The following TMC1 variants were observed in gnomAD, a reference collection of about 807,000 sequenced individuals.
TMC1 encodes transmembrane channel-like protein 1.
TMC1 carries 84 observed loss-of-function variants against 105.8 expected under a neutral mutation model. The observed-to-expected ratio is 0.79, with a 90% confidence interval of 0.67 to 0.95. TMC1 has a LOEUF of 0.95. Ranked by LOEUF, TMC1 falls within the 40% of genes least tolerant of loss-of-function variation. The pLI is 0.00. For synonymous variants in TMC1, 315 were observed against 311.5 expected (o/e 1.01, Z -0.12); for missense variants, 817 against 914.1 (o/e 0.89, Z 1.37).
intron 10 of TMC1, among the ~76,000 whole-genome samples, chr9:72,745,247 T>G (rs1271436306): frequency 6.6e-6 from 1 of 152,312 alleles, no homozygotes; most frequent in African/African-American, 2.4e-5. Context: ...ACATTAACCT[T>G]CCTATTTTAT....
In TMC1 at chr9:72,774,119, G is replaced by A. The variant is rs148803826; in HGVS notation, c.884+1564G>A. On this transcript the variant is annotated intron_variant, in intron 13 of 23. Coordinates refer to ENST00000297784, the MANE Select transcript of TMC1 (RefSeq NM_138691.3). ...AAAAGCCAGCATGGTAGGAGTTGAG[G>A]CCACATTATAGATCCCCAAAACAAG... Among the ~76,000 whole-genome samples the A allele has an allele frequency of 3.9e-5, 6 of 152,204 alleles. No individual in the cohort carries two copies. In the East Asian group the frequency reaches 1.2e-3, roughly 29 times the overall value.
At chr9:72,685,137 T>G (rs866401515) in intron 5 of TMC1, among the ~76,000 whole-genome samples, 1 of 143,544 alleles carries the variant, frequency 7.0e-6, no homozygotes, top group African/African-American at 2.7e-5. Flanking sequence ...GACGGAGTCT[T>G]GCTCTTTCGC....
chr9:72,765,339 G>T (rs1019481025), intron 12 of TMC1, among the ~76,000 whole-genome samples: 9 of 152,162 alleles, frequency 5.9e-5, no homozygotes, highest in Admixed American at 5.2e-4. Flanking sequence ...GAAGCTCCGT[G>T]CCTCTGAAGG....
At chr9:72,814,141 C>T (rs1828745889) in intron 18 of TMC1, among the ~76,000 whole-genome samples, 1 of 152,166 alleles carries the variant, frequency 6.6e-6, no homozygotes, top group Admixed American at 6.5e-5. Flanking sequence ...TGGTGGGCCA[C>T]CTCATGATAC....
intron 17 of TMC1, among the ~76,000 whole-genome samples, chr9:72,798,539 A>C (rs1828413146): frequency 6.6e-6 from 1 of 152,146 alleles, no homozygotes; most frequent in South Asian, 2.1e-4. Flanking sequence ...GAATGAGATC[A>C]TGTCTGTTGC....
At chr9:72,648,497 T>G in intron 4 of TMC1, 100 bp from the exon 5 acceptor site, 1 of 728,886 alleles carries the variant, frequency 1.4e-6, no homozygotes, top group Admixed American at 2.1e-5. Flanking sequence ...TTCTTAAGTT[T>G]CAGATGGTGA....
intron 18 of TMC1, among the ~76,000 whole-genome samples, chr9:72,810,346 G>C (rs17560985): frequency 2.1e-4 from 32 of 152,122 alleles, no homozygotes; most frequent in Non-Finnish European, 3.8e-4. Context: ...CCTTTCTACT[G>C]TATGCATGCA....
chr9:72,723,130 G>A (rs1827057799), intron 8 of TMC1, among the ~76,000 whole-genome samples: 6 of 152,072 alleles, frequency 3.9e-5, no homozygotes, highest in African/African-American at 1.4e-4. Context: ...TCCAGACAAA[G>A]GCCAAAAGTG....
At chr9:72,619,255 C>T (rs372759310) in intron 3 of TMC1, among the ~76,000 whole-genome samples, 5 of 152,102 alleles carry the variant, frequency 3.3e-5, no homozygotes, top group East Asian at 3.8e-4. Flanking sequence ...TTAATCATAT[C>T]GTAGATACTC....
intron 14 of TMC1, 35 bp from the exon 15 acceptor site, chr9:72,789,088 G>C: frequency 6.3e-7 from 1 of 1,597,036 alleles, no homozygotes; most frequent in Non-Finnish European, 8.6e-7. Context: ...TTCTATTTTG[G>C]GTTTTTGTTT....
At chr9:72,606,996 T>TAGAGAGAGAG (rs757833291) in intron 2 of TMC1, among the ~76,000 whole-genome samples, 5,073 of 99,314 alleles carry the variant, frequency 0.051, 97 homozygotes, top group Non-Finnish European at 0.075. Context: ...TATATATATA[T>TAGAGAGAGAG]ATATATAGAG....
chr9:72,752,842 C>T (rs1263963748), intron 11 of TMC1, among the ~76,000 whole-genome samples: 2 of 152,106 alleles, frequency 1.3e-5, no homozygotes, highest in Non-Finnish European at 2.9e-5. Context: ...ACTAAGACTC[C>T]TATTAACATA....
intron 13 of TMC1, among the ~76,000 whole-genome samples, chr9:72,775,617 G>A (rs112405336): frequency 5.3e-5 from 8 of 152,268 alleles, no homozygotes; most frequent in African/African-American, 1.9e-4. Context: ...TTTTATCCTT[G>A]TAGGCTTTTT....
intron 8 of TMC1, among the ~76,000 whole-genome samples, chr9:72,709,597 T>C (rs542419943): frequency 6.6e-6 from 1 of 152,306 alleles, no homozygotes; most frequent in East Asian, 1.9e-4. Context: ...AGGAGGATTG[T>C]ATCTTTGCAG....
At position 72,731,962 on chromosome 9, in the gene TMC1, A is replaced by G. The variant is rs550182582; in HGVS notation, c.363-8157A>G. On this transcript the variant is annotated intron_variant, in intron 8 of 23. Coordinates refer to ENST00000297784, the MANE Select transcript of TMC1 (RefSeq NM_138691.3). Reference sequence around the variant, plus strand: ...TAGATGGTGCCCTAAATATTTATCTATATCTTTACTTTTTAATGAAATTGT... The same window carrying G: ...TAGATGGTGCCCTAAATATTTATCTGTATCTTTACTTTTTAATGAAATTGT... 7.9e-5 allele frequency among the ~76,000 whole-genome samples: 12 copies of G among 152,318 alleles called. 1 individual carries two copies. The East Asian group carries it at 2.3e-3, about 29-fold the overall frequency.
At chr9:72,793,786 AC>A (rs1828317272) in intron 17 of TMC1, among the ~76,000 whole-genome samples, 1 of 152,110 alleles carries the variant, frequency 6.6e-6, no homozygotes, top group East Asian at 1.9e-4. Flanking sequence ...AAGTGACCAG[AC>A]TTTTACATGG....
chr9:72,543,409 C>A (rs937794560), intron 1 of TMC1, among the ~76,000 whole-genome samples: 1 of 152,166 alleles, frequency 6.6e-6, no homozygotes, highest in South Asian at 2.1e-4. Flanking sequence ...ATTGGAATAA[C>A]CTTCTTATTG....
At chr9:72,607,002 T>TATATATATATAGAGAG (rs372785242) in intron 2 of TMC1, among the ~76,000 whole-genome samples, 1 of 134,906 alleles carries the variant, frequency 7.4e-6, no homozygotes, top group Admixed American at 7.7e-5. Flanking sequence ...TATATATATA[T>TATATATATATAGAGAG]AGAGAGAGAG....
At chr9:72,749,586 A>C (rs1421244170) in intron 10 of TMC1, among the ~76,000 whole-genome samples, 1 of 152,100 alleles carries the variant, frequency 6.6e-6, no homozygotes, top group Non-Finnish European at 1.5e-5. Context: ...GGGCTGAGGT[A>C]GGGTGGGGTG....
Sources: allele counts gnomAD v4.1 joint callset (sites outside exome capture counted in the v4.1 genomes callset), GRCh38; gene constraint gnomAD v4.1.1; transcripts MANE v1.5; gene names NCBI Gene and HGNC (gene_info 2026-07-23, HGNC 2026-07-21).